The following SLC2A5 variants were observed in gnomAD, a reference collection of about 807,000 sequenced individuals.
The protein encoded by SLC2A5 is solute carrier family 2, facilitated glucose transporter member 5.
Under a neutral mutation model 50.3 loss-of-function variants are expected in SLC2A5, and 56 were observed. That is an observed-to-expected ratio of 1.11 (90% CI 0.90 to 1.39). SLC2A5 has a LOEUF of 1.39. Among genes scored for constraint, SLC2A5 ranks in the 40% most tolerant of loss-of-function variants. The pLI is 0.00. For missense variants in SLC2A5, 566 were observed against 650.1 expected (o/e 0.87, Z 1.41); for synonymous variants, 269 against 281.9 (o/e 0.95, Z 0.46).
At chr1:9,081,493 A>C (rs1642352978) in intron 2 of SLC2A5, among the ~76,000 whole-genome samples, 1 of 151,026 alleles carries the variant, frequency 6.6e-6, no homozygotes, top group Admixed American at 6.6e-5. Flanking sequence ...AAAAAAAGTA[A>C]AAAGACAAGA....
At chr1:9,045,523 T>G (rs1482233720) in intron 4 of SLC2A5, among the ~76,000 whole-genome samples, 1 of 152,170 alleles carries the variant, frequency 6.6e-6, no homozygotes, top group Non-Finnish European at 1.5e-5. Flanking sequence ...TGCTTACTGG[T>G]GGCAACTTTT....
At chr1:9,054,440 G>C (rs1026590159) in intron 3 of SLC2A5, among the ~76,000 whole-genome samples, 15 of 152,052 alleles carry the variant, frequency 9.9e-5, no homozygotes, top group African/African-American at 3.6e-4. Context: ...TCTTTCTTCC[G>C]GGATTTTGAG....
chr1:9,039,494 G>A (rs1042625529), intron 8 of SLC2A5, 58 bp downstream of exon 8: 7 of 1,298,244 alleles, frequency 5.4e-6, no homozygotes, highest in Non-Finnish European at 7.4e-6. Context: ...GCCGAGGCTG[G>A]GGCGTGGGGC....
chr1:9,050,875 A>G (rs1030072605), intron 3 of SLC2A5, among the ~76,000 whole-genome samples: 2 of 152,224 alleles, frequency 1.3e-5, no homozygotes, highest in African/African-American at 4.8e-5. Context: ...AAGTAAAAGA[A>G]ATAATGGCAA....
upstream of SLC2A5, among the ~76,000 whole-genome samples, chr1:9,070,862 CG>C (rs906298564): frequency 4.0e-5 from 6 of 150,812 alleles, no homozygotes; most frequent in South Asian, 2.1e-4. Context: ...GTTGGGGGGT[CG>C]GGGGGGTCCC....
Position 9,038,492 on chromosome 1 carries a change from C to A in SLC2A5, c.1113G>T (p.Trp371Cys), listed in dbSNP as rs1220892073. Residue 371 changes from tryptophan to cysteine, a missense_variant, in exon 10 of 12, where the codon TGG becomes TGT. Trp to Cys is a radical substitution (Grantham distance 215). Coordinates refer to ENST00000377424, the MANE Select transcript of SLC2A5 (RefSeq NM_003039.3). Reference protein sequence around the residue: ...AALALQDTVSWMPYISIVCVI... With the variant: ...AALALQDTVSCMPYISIVCVI... Reference sequence around the variant, plus strand: ...CACAGACGATGCTGATGTATGGCATCCAGGACACTGTGTCCTGTGGAGAGA... The same window carrying A: ...CACAGACGATGCTGATGTATGGCATACAGGACACTGTGTCCTGTGGAGAGA... The A allele has an allele frequency of 6.8e-6, 11 of 1,612,712 alleles. No individual in the cohort carries two copies. The highest frequency in any genetic ancestry group is 5.0e-5 in the Admixed American group (3 of 59,996).
At chr1:9,075,640 G>C (rs900736919) in intron 2 of SLC2A5, among the ~76,000 whole-genome samples, 1 of 151,994 alleles carries the variant, frequency 6.6e-6, no homozygotes, top group Non-Finnish European at 1.5e-5. Context: ...TGTTTTAATT[G>C]ATTATAGCCT....
intron 1 of SLC2A5, among the ~76,000 whole-genome samples, chr1:9,087,378 G>A (rs1642414408): frequency 6.6e-6 from 1 of 151,846 alleles, no homozygotes; most frequent in African/African-American, 2.4e-5. Context: ...CTAATTTTTT[G>A]TATTTTTAGT....
At chr1:9,051,442 CT>C (rs757453542) in intron 3 of SLC2A5, among the ~76,000 whole-genome samples, 32 of 152,112 alleles carry the variant, frequency 2.1e-4, no homozygotes, top group Non-Finnish European at 4.3e-4. Context: ...ACAAAGAACT[CT>C]TAAAACTTAA....
At chr1:9,090,208 T>A (rs759129681), upstream of SLC2A5, among the ~76,000 whole-genome samples, 1 of 150,978 alleles carries the variant, frequency 6.6e-6, no homozygotes, top group Non-Finnish European at 1.5e-5. Flanking sequence ...TCTTATATAT[T>A]ATTATGTCAA....
At chr1:9,076,754 A>T (rs989989097) in intron 2 of SLC2A5, among the ~76,000 whole-genome samples, 5 of 151,772 alleles carry the variant, frequency 3.3e-5, no homozygotes, top group Admixed American at 6.6e-5. Context: ...CCCTGAATTT[A>T]TGTTCCTATC....
At chr1:9,073,157 C>A (rs1271442743), upstream of SLC2A5, 4 of 152,222 alleles carry the variant, frequency 2.6e-5, no homozygotes, top group African/African-American at 7.2e-5. Context: ...GGCCTCACCT[C>A]TGCTAGGAAT....
In SLC2A5 at chr1:9,052,061, G is replaced by A. The variant is rs544979558; in HGVS notation, c.294-4327C>T. 5.3e-5 allele frequency among the ~76,000 whole-genome samples: 8 copies of A among 152,284 alleles called. No homozygotes were observed. In the South Asian group the frequency reaches 1.0e-3, roughly 20 times the overall value. On this transcript the variant is annotated intron_variant, in intron 3 of 11. Coordinates refer to ENST00000377424, the MANE Select transcript of SLC2A5 (RefSeq NM_003039.3). The stretch of plus-strand genomic sequence containing the variant: ...AGCACCTTGGGAGGCCGAGGTGGGC[G>A]GATCACGAGGTCAAGAGATTGAGAC...
In SLC2A5 at chr1:9,040,259, G is replaced by A. The variant is rs1420441515; in HGVS notation, c.572-70C>T. On this transcript the variant is annotated intron_variant, in intron 5 of 11. Coordinates refer to ENST00000377424, the MANE Select transcript of SLC2A5 (RefSeq NM_003039.3). This position sits in a 1 kb window ranked among gnomAD's most constrained non-coding sequence, Gnocchi z 4.3. Reference sequence around the variant, plus strand: ...CCCGAAGGCGCCCTCTGCAGAGCCGGCCCCAGCCCCGTCATCCTGAGTGGG... The same window carrying A: ...CCCGAAGGCGCCCTCTGCAGAGCCGACCCCAGCCCCGTCATCCTGAGTGGG... 4 of 1,506,082 alleles carry A rather than the reference G, an allele frequency of 2.7e-6. No homozygotes were observed. Among genetic ancestry groups the A allele is most frequent in the Non-Finnish European group, 3.5e-6 (4 of 1,132,142 alleles). The allele number at this position is 1,506,082 out of a possible 1,614,324, so 93.3% of individuals were successfully genotyped here.
upstream of SLC2A5, chr1:9,071,876 C>CCCTCTGACTCAGCCCGGATCCCCCTCGG (rs1642220445): frequency 7.0e-6 from 1 of 142,790 alleles, no homozygotes; most frequent in Non-Finnish European, 1.6e-5. Flanking sequence ...TGCCCAGGAC[C>CCCTCTGACTCAGCCCGGATCCCCCTCGG]CCTCTGCCTC....
At chr1:9,082,165 T>C (rs922163232) in intron 2 of SLC2A5, among the ~76,000 whole-genome samples, 1 of 152,136 alleles carries the variant, frequency 6.6e-6, no homozygotes, top group Non-Finnish European at 1.5e-5. Flanking sequence ...TGTAAAATGG[T>C]TCAGCTACTG....
At chr1:9,039,727 C>T (rs1388109276) in intron 7 of SLC2A5, 65 bp from the exon 8 acceptor site, 30 of 1,431,828 alleles carry the variant, frequency 2.1e-5, no homozygotes, top group African/African-American at 3.0e-5. Context: ...AGGACCCACG[C>T]CCGGCGCCCC....
At chr1:9,067,392 A>G (rs1642109816) in intron 1 of SLC2A5, among the ~76,000 whole-genome samples, 4 of 152,202 alleles carry the variant, frequency 2.6e-5, no homozygotes, top group Non-Finnish European at 5.9e-5. Flanking sequence ...GCATGTGGCC[A>G]TCTGAATCAT....
intron 2 of SLC2A5, among the ~76,000 whole-genome samples, chr1:9,075,215 T>C (rs896507791): frequency 6.6e-6 from 1 of 152,184 alleles, no homozygotes; most frequent in African/African-American, 2.4e-5. Flanking sequence ...TCTGTGTTTA[T>C]GTCCCAGGAA....
Sources: gnomAD v4.1 joint callset for allele counts (sites outside exome capture counted in the v4.1 genomes callset) on GRCh38, gnomAD v4.1.1 for gene constraint, Gnocchi (gnomAD v3.1) non-coding constraint, MANE v1.5 for transcripts, NCBI Gene and HGNC (gene_info 2026-07-23, HGNC 2026-07-21) for gene names.